ZFHX3: variants seen among roughly 807,000 people sequenced by gnomAD.
ZFHX3 encodes the protein zinc finger homeobox 3.
In ZFHX3, 42 loss-of-function variants were observed where a neutral mutation model predicts 279.1. The ratio of observed to expected loss-of-function variants is 0.15; its 90% confidence interval spans 0.12 to 0.19. ZFHX3 has a LOEUF of 0.19. ZFHX3 is among the 10% of genes least tolerant of loss of function. The pLI is 1.00. For synonymous variants in ZFHX3, 2,293 were observed against 1,957.8 expected, an observed-to-expected ratio of 1.17 and a Z score of -4.52; for missense variants, 4,981 against 4,754.0, an observed-to-expected ratio of 1.05 and a Z score of -1.40.
chr16:73,636,936 T>C (rs1018316667), intron 2 of ZFHX3, among the ~76,000 whole-genome samples: 2 of 151,966 alleles, frequency 1.3e-5, no homozygotes, highest in Admixed American at 6.6e-5. Flanking sequence ...CTGAAAAAAA[T>C]ACACAGGTTT....
intron 3 of ZFHX3, among the ~76,000 whole-genome samples, chr16:73,325,162 T>C (rs1210303969): frequency 2.0e-5 from 3 of 152,040 alleles, no homozygotes; most frequent in Non-Finnish European, 4.4e-5. Context: ...AGAGGCAATA[T>C]GGTAGCTCAG....
chr16:73,460,360 A>G (rs748715494), intron 2 of ZFHX3, among the ~76,000 whole-genome samples: 5 of 152,212 alleles, frequency 3.3e-5, no homozygotes, highest in Non-Finnish European at 5.9e-5. Context: ...TTGCTTAACC[A>G]TCTACCTACT....
At chr16:73,377,236 T>A (rs2016738398) in intron 3 of ZFHX3, among the ~76,000 whole-genome samples, 1 of 152,108 alleles carries the variant, frequency 6.6e-6, no homozygotes. Flanking sequence ...CCTCCCAAAG[T>A]GCTGGGATTA....
chr16:73,297,987 C>T (rs994832853), intron 4 of ZFHX3, among the ~76,000 whole-genome samples: 4 of 151,238 alleles, frequency 2.6e-5, no homozygotes, highest in African/African-American at 9.8e-5. Flanking sequence ...GAATTTGAGA[C>T]CAGCCTGGGC....
intron 1 of ZFHX3, among the ~76,000 whole-genome samples, chr16:73,815,263 CCAAA>C (rs1275621466): frequency 6.6e-6 from 1 of 152,192 alleles, no homozygotes; most frequent in African/African-American, 2.4e-5. Flanking sequence ...GCTCACACTT[CCAAA>C]CAGAGTAGGT....
chr16:73,027,845 C>G (rs1403675300), intron 1 of ZFHX3, among the ~76,000 whole-genome samples: 1 of 152,236 alleles, frequency 6.6e-6, no homozygotes, highest in Non-Finnish European at 1.5e-5. Context: ...TTGCTTATCT[C>G]TCTCCTGTGA....
At chr16:73,794,061 G>C (rs1316051441) in intron 1 of ZFHX3, 1 of 152,166 alleles carries the variant, frequency 6.6e-6, no homozygotes, top group East Asian at 1.9e-4. Flanking sequence ...ATAAAAATTT[G>C]ATTTTGTCCT....
intron 1 of ZFHX3, among the ~76,000 whole-genome samples, chr16:73,003,106 T>A (rs1279473497): frequency 6.6e-6 from 1 of 152,226 alleles, no homozygotes; most frequent in Non-Finnish European, 1.5e-5. Flanking sequence ...TGCATAAGCA[T>A]CTACCATATG....
At chr16:73,706,456 CAAAAAA>C (rs59244758) in intron 1 of ZFHX3, among the ~76,000 whole-genome samples, 3 of 129,764 alleles carry the variant, frequency 2.3e-5, no homozygotes, top group Non-Finnish European at 3.3e-5. Flanking sequence ...AACTCTATCT[CAAAAAA>C]AAAAAAAAAA....
At chr16:73,248,767 T>G (rs915401031) in intron 5 of ZFHX3, among the ~76,000 whole-genome samples, 1 of 152,142 alleles carries the variant, frequency 6.6e-6, no homozygotes, top group African/African-American at 2.4e-5. Flanking sequence ...CTAGACCACA[T>G]GAGTAACGTC....
intron 2 of ZFHX3, among the ~76,000 whole-genome samples, chr16:73,471,292 A>C (rs934365457): frequency 6.6e-6 from 1 of 152,196 alleles, no homozygotes; most frequent in African/African-American, 2.4e-5. Flanking sequence ...GACCATAGTG[A>C]TTGACCATGC....
intron 4 of ZFHX3, among the ~76,000 whole-genome samples, chr16:73,286,862 T>TCAG (rs2014617645): frequency 1.1e-5 from 1 of 91,646 alleles, no homozygotes; most frequent in African/African-American, 4.3e-5. Flanking sequence ...GGGTGTGTGG[T>TCAG]TGTGTGGGTG....
At chr16:72,977,591 G>GC (rs996450570) in intron 1 of ZFHX3, among the ~76,000 whole-genome samples, 1 of 68,752 alleles carries the variant, frequency 1.5e-5, no homozygotes, top group African/African-American at 4.3e-5. Flanking sequence ...TGGGTCAGTG[G>GC]GGGGAAAAAA....
At chr16:73,125,701 G>A (rs1966557414) in intron 7 of ZFHX3, among the ~76,000 whole-genome samples, 2 of 152,024 alleles carry the variant, frequency 1.3e-5, no homozygotes, top group Admixed American at 6.6e-5. Flanking sequence ...AACTTGGACT[G>A]GCTCTCCTTG....
intron 2 of ZFHX3, among the ~76,000 whole-genome samples, chr16:73,505,302 T>C (rs983496939): frequency 5.9e-5 from 9 of 152,056 alleles, no homozygotes; most frequent in Admixed American, 5.9e-4. Flanking sequence ...AAACAAATAA[T>C]AATAACAAAA....
At chr16:73,166,014 A>T (rs1967355369) in intron 5 of ZFHX3, among the ~76,000 whole-genome samples, 1 of 152,210 alleles carries the variant, frequency 6.6e-6, no homozygotes, top group Non-Finnish European at 1.5e-5. Context: ...AACCAGGAGG[A>T]TAAACTGAGA....
chr16:73,401,406 A>ACACACACACACACACACACACACACC (rs374561909), intron 3 of ZFHX3: 2 of 149,250 alleles, frequency 1.3e-5, no homozygotes, highest in South Asian at 2.2e-4. Context: ...ACACACACAC[A>ACACACACACACACACACACACACACC]CCTCAAAAGC....
chr16:73,024,160 T>A (rs1016145956), intron 1 of ZFHX3, among the ~76,000 whole-genome samples: 1 of 152,112 alleles, frequency 6.6e-6, no homozygotes, highest in Non-Finnish European at 1.5e-5. Context: ...TCATCTCACA[T>A]CCACACAGCT....
chr16:73,323,505 G>A (rs1459683660), intron 3 of ZFHX3, among the ~76,000 whole-genome samples: 2 of 152,104 alleles, frequency 1.3e-5, no homozygotes, highest in Admixed American at 6.6e-5. Flanking sequence ...TAAAGGAATC[G>A]AAGGAAAATA....
Sources: allele counts gnomAD v4.1 joint callset (sites outside exome capture counted in the v4.1 genomes callset), GRCh38; gene constraint gnomAD v4.1.1; transcripts MANE v1.5; gene names NCBI Gene and HGNC (gene_info 2026-07-23, HGNC 2026-07-21).